CLDN7: variants seen among roughly 807,000 people sequenced by gnomAD.
The protein encoded by CLDN7 is claudin 7.
In CLDN7, 15 loss-of-function variants were observed where a neutral mutation model predicts 20.3. The observed-to-expected ratio is 0.74, with a 90% CI of 0.49 to 1.14. The LOEUF is 1.14. Among genes scored for constraint, CLDN7 ranks in the 50% most tolerant of loss-of-function variants. The probability of loss-of-function intolerance (pLI) is 0.00; values close to 1 mark genes in which losing one functional copy is unlikely to be tolerated. For synonymous variants in CLDN7, 117 were observed against 106.1 expected, an observed-to-expected ratio of 1.10 and a Z score of -0.63; for missense variants, 261 against 274.2, an observed-to-expected ratio of 0.95 and a Z score of 0.34.
At position 7,260,395 on chromosome 17, in the gene CLDN7, G is replaced by A. The variant is rs1277163550; in HGVS notation, c.615C>T (p.Asn205=). Residue 205 remains asparagine (N), a synonymous_variant, in exon 4 of 4, where the codon AAC becomes AAT. Transcript: ENST00000360325. Reference sequence around the variant, plus strand: ...CAGGTCACACATACTCCTTGGAAGAGTTGGACTTAGGGTAAGAGCGGGGTA... The same window carrying A: ...CAGGTCACACATACTCCTTGGAAGAATTGGACTTAGGGTAAGAGCGGGGTA... The part of the protein sequence containing the change: ...YRVPRSYPKS[N]SSKEYV The A allele has an allele frequency of 6.2e-7, 1 of 1,611,638 alleles. No individual in the cohort carries two copies. Among genetic ancestry groups the A allele is most frequent in the South Asian group, 1.1e-5 (1 of 90,750 alleles).
At chr17:7,261,250 A>T in intron 1 of CLDN7, 1 of 527,918 alleles carries the variant, frequency 1.9e-6, no homozygotes, top group Non-Finnish European at 3.4e-6. Flanking sequence ...ACTGCCCTGG[A>T]TAGGGGGAAG....
chr17:7,260,210 A>AC lies in CLDN7; in HGVS notation c.*163dup, dbSNP rs941419766. On this transcript the variant is annotated 3_prime_UTR_variant, in exon 4 of 4. Transcript: ENST00000360325. ...TCTTTTTGTCTCTCCCACCAACGGC[A>AC]CCCCCCCACCCCCAACCCAAGAGGA... The AC allele has an allele frequency of 5.3e-5, 27 of 507,464 alleles. No homozygotes were observed. Among genetic ancestry groups the AC allele is most frequent in the Middle Eastern group, 7.8e-4 (2 of 2,560 alleles). 31.4% of individuals were successfully genotyped at this position (507,464 alleles called of 1,614,324 possible). A position where few individuals can be genotyped will look rare whatever the true frequency, so the allele number is the denominator to read the frequency against.
At position 7,260,853 on chromosome 17, in the gene CLDN7, G is replaced by T; in HGVS notation, c.356C>A (p.Ala119Asp). Residue 119 changes from alanine (A) to aspartate (D), a missense_variant, in exon 2 of 4, where the codon GCC (alanine) becomes GAC (aspartate). Ala to Asp is a moderately radical substitution (Grantham distance 126). Around this residue, in one of 2 missense-constraint regions of CLDN7, gnomAD observed 215 missense variants for 199.6 expected, o/e 1.08. Coordinates refer to ENST00000360325, the MANE Select transcript of CLDN7 (RefSeq NM_001307.6). ...GATGAAAATTATGCCTCCACCCATG[G>T]CTATACGGGCCTTCTTCACTTTGTC... is the stretch of plus-strand genomic sequence containing the variant. ...GDDKVKKARI[A>D]MGGGIIFIVA... The T allele has an allele frequency of 1.2e-6, 2 of 1,614,228 alleles. No homozygotes were observed. Among genetic ancestry groups the T allele is most frequent in the Non-Finnish European group, 1.7e-6 (2 of 1,180,036 alleles).
Position 7,260,394 on chromosome 17 carries a change from A to G in CLDN7, c.616T>C (p.Ser206Pro), listed in dbSNP as rs139088043. ...RVPRSYPKSN[S>P]SKEYV ...CCAGGTCACACATACTCCTTGGAAG[A>G]GTTGGACTTAGGGTAAGAGCGGGGT... The change falls in exon 4 of 4, where the codon TCT becomes CCT. Residue 206 changes from serine to proline, a missense_variant. Ser to Pro is a moderately conservative substitution (Grantham distance 74). This residue lies in a region of CLDN7 where 215 missense variants were observed against 199.6 expected (regional missense o/e 1.08). Transcript: ENST00000360325. The G allele has an allele frequency of 3.9e-4, 626 of 1,611,422 alleles. 1 individual carries two copies. In the African/African-American group the frequency reaches 7.5e-3, roughly 19 times the overall value.
In CLDN7 at chr17:7,261,998, G is replaced by A. The variant is rs759789750; in HGVS notation, c.46C>T (p.Leu16=). The A allele has an allele frequency of 1.2e-6, 2 of 1,614,032 alleles. No individual in the cohort carries two copies. The highest frequency in any genetic ancestry group is 1.7e-6 in the Non-Finnish European group (2 of 1,180,016). The change falls in exon 1 of 4, where the codon CTG becomes TTG. Residue 16 remains leucine (L), a synonymous_variant. Transcript: ENST00000360325. ...CAGGCCACCAGACCCACCCAGCCCA[G>A]CAGGGCCATGGAGAAGCCCAGCAAC... is the stretch of plus-strand genomic sequence containing the variant. ...LQLLGFSMAL[L]GWVGLVACTA...
rs2072218075 is a variant in CLDN7, at chr17:7,261,479, G to T, written c.223+342C>A. On this transcript the variant is annotated intron_variant, in intron 1 of 3. Coordinates refer to ENST00000360325, the MANE Select transcript of CLDN7 (RefSeq NM_001307.6). Reference sequence around the variant, plus strand: ...CGCGCCCCGTGCCCCGCGCCCCGGGGCCGTTTCTGTCTGAGAAAAGGACGG... The same window carrying T: ...CGCGCCCCGTGCCCCGCGCCCCGGGTCCGTTTCTGTCTGAGAAAAGGACGG... Among the ~76,000 whole-genome samples, 3 of 152,224 alleles carry T rather than the reference G, an allele frequency of 2.0e-5. No individual in the cohort carries two copies. The South Asian group carries it at 6.2e-4, about 32-fold the overall frequency.
intron 1 of CLDN7, among the ~76,000 whole-genome samples, chr17:7,261,613 C>T (rs911542725): frequency 5.3e-5 from 8 of 152,146 alleles, no homozygotes; most frequent in African/African-American, 1.9e-4. Flanking sequence ...GGAAGAGGAA[C>T]GTGGGCGACC....
In CLDN7 at chr17:7,262,213, A is replaced by G. The variant is rs1370049768; in HGVS notation, c.-170T>C. ...AATGCAAATCTTGTCACCAAACTACACACAAATCGACCCCTCCAGTGAAGC... is the reference window on the plus strand; with the variant it reads ...AATGCAAATCTTGTCACCAAACTACGCACAAATCGACCCCTCCAGTGAAGC... On this transcript the variant is annotated 5_prime_UTR_variant, in exon 1 of 4. Coordinates refer to ENST00000360325, the MANE Select transcript of CLDN7 (RefSeq NM_001307.6). The surrounding 1 kb of genome is among the most constrained non-coding windows in gnomAD (Gnocchi z 6.6). 3.5e-6 allele frequency: 5 copies of G among 1,436,620 alleles called. No homozygotes were observed. The highest frequency in any genetic ancestry group is 4.5e-6 in the Non-Finnish European group (5 of 1,101,132). The allele number at this position is 1,436,620 out of a possible 1,614,324, so 89.0% of individuals were successfully genotyped here.
At chr17:7,261,767 C>T (rs2072228945) in intron 1 of CLDN7, 54 bp downstream of exon 1, 1 of 1,585,140 alleles carries the variant, frequency 6.3e-7, no homozygotes, top group Admixed American at 1.7e-5. Flanking sequence ...CCACGCGCGC[C>T]ACCCCGCCAC....
At position 7,260,700 on chromosome 17, in the gene CLDN7, A is replaced by C; in HGVS notation, c.415T>G (p.Trp139Gly). 6.2e-7 allele frequency: 1 copy of C among 1,614,258 alleles called. No homozygotes were observed. The change falls in exon 3 of 4, where the codon TGG becomes GGG. Residue 139 changes from tryptophan to glycine, a missense_variant. Trp to Gly is a radical substitution (Grantham distance 184). This residue lies in a region of CLDN7 where 215 missense variants were observed against 199.6 expected (regional missense o/e 1.08). Coordinates refer to ENST00000360325, the MANE Select transcript of CLDN7 (RefSeq NM_001307.6). ...AGLAALVACS[W>G]YGHQIVTDFY... ...TCTGTGACAATCTGATGGCCATACC[A>C]GGAGCAAGCTACCAAGGCGGCAAGA...
intron 1 of CLDN7, 100 bp from the exon 2 acceptor site, chr17:7,261,085 C>T: frequency 6.9e-7 from 1 of 1,455,042 alleles, no homozygotes; most frequent in Non-Finnish European, 9.1e-7. Flanking sequence ...CCTCTTCTGT[C>T]CGGCGCCGTG....
In CLDN7 at chr17:7,262,037, T is replaced by G; in HGVS notation, c.7A>C (p.Asn3His). 8.1e-6 allele frequency: 13 copies of G among 1,611,224 alleles called. No individual in the cohort carries two copies. The highest frequency in any genetic ancestry group is 1.1e-5 in the Non-Finnish European group (13 of 1,179,024). The change falls in exon 1 of 4, where the codon AAT becomes CAT. Residue 3 changes from asparagine (N) to histidine (H), a missense_variant. By Grantham distance (68) the Asn-to-His change is moderately conservative. Coordinates refer to ENST00000360325, the MANE Select transcript of CLDN7 (RefSeq NM_001307.6). This position sits in a 1 kb window ranked among gnomAD's most constrained non-coding sequence, Gnocchi z 6.6. ...AAGCCCAGCAACTGCAGGCCCGAAT[T>G]GGCCATTTCCGCCCTCAGAAAACAC... MANSGLQLLGFSM... is the reference protein window; with the variant it reads MAHSGLQLLGFSM...
rs1203949961 is a variant in CLDN7 at position 7,262,027 on chromosome 17, A to G, written c.17T>C (p.Leu6Pro). ...GGCCATGGAGAAGCCCAGCAACTGC[A>G]GGCCCGAATTGGCCATTTCCGCCCT... MANSG[L>P]QLLGFSMALL... The change falls in exon 1 of 4, where the codon CTG (leucine) becomes CCG (proline). Residue 6 changes from leucine (L) to proline (P), a missense_variant. Physicochemically the swap from Leu to Pro is moderately conservative, Grantham distance 98 (BLOSUM62 -3). This residue lies in a region of CLDN7 where 46 missense variants were observed against 74.6 expected (regional missense o/e 0.62). Transcript: ENST00000360325. The surrounding 1 kb of genome is among the most constrained non-coding windows in gnomAD (Gnocchi z 6.6). The G allele has an allele frequency of 3.1e-6, 5 of 1,612,408 alleles. No individual in the cohort carries two copies. Among genetic ancestry groups the G allele is most frequent in the Non-Finnish European group, 4.2e-6 (5 of 1,179,362 alleles).
Position 7,262,343 on chromosome 17 carries a change from C to T in CLDN7, c.-300G>A. ...GTTCCCTCCGGGCGCTCTCGGCGAC[C>T]CTAGGCAAACAAAAGGTGGAGGGGC... On this transcript the variant is annotated 5_prime_UTR_variant, in exon 1 of 4. Coordinates refer to ENST00000360325, the MANE Select transcript of CLDN7 (RefSeq NM_001307.6). The surrounding 1 kb of genome is among the most constrained non-coding windows in gnomAD (Gnocchi z 6.6). The T allele has an allele frequency of 7.8e-7, 1 of 1,274,940 alleles. No homozygotes were observed. Among genetic ancestry groups the T allele is most frequent in the Non-Finnish European group, 1.0e-6 (1 of 1,002,520 alleles). The allele number at this position is 1,274,940 out of a possible 1,614,324, so 79.0% of individuals were successfully genotyped here.
chr17:7,261,937 G>A lies in CLDN7; in HGVS notation c.107C>T (p.Ala36Val), dbSNP rs574955449. ...CTGGGCCGTGATGATGTTGTCACCC[G>A]CATAGGAGCTCATCTGCCACTGCGG... ...AIPQWQMSSY[A>V]GDNIITAQAM... is the part of the protein sequence containing the mutation. Residue 36 changes from alanine to valine, a missense_variant, in exon 1 of 4, where the codon GCG becomes GTG. Ala to Val is a moderately conservative substitution (Grantham distance 64, BLOSUM62 0). Around this residue, in one of 2 missense-constraint regions of CLDN7, gnomAD observed 46 missense variants for 74.6 expected, o/e 0.62. Transcript: ENST00000360325. 6.8e-6 allele frequency: 11 copies of A among 1,613,956 alleles called. No homozygotes were observed. Among genetic ancestry groups the A allele is most frequent in the African/African-American group, 2.7e-5 (2 of 74,948 alleles).
rs1466286219 is a variant in CLDN7, at chr17:7,260,815, G to A, written c.388+6C>T. The A allele has an allele frequency of 3.1e-6, 5 of 1,614,118 alleles. No homozygotes were observed. The highest frequency in any genetic ancestry group is 2.2e-5 in the East Asian group (1 of 44,892). On this transcript the variant is annotated splice_donor_region_variant and intron_variant, in intron 2 of 3. Transcript: ENST00000360325. Reference sequence around the variant, plus strand: ...TCCTCCCAGATGGGAGAACCCGGGGGCTCACCTGCCACGATGAAAATTATG... The same window carrying A: ...TCCTCCCAGATGGGAGAACCCGGGGACTCACCTGCCACGATGAAAATTATG...
chr17:7,260,897 G>A lies in CLDN7; in HGVS notation c.312C>T (p.Cys104=). 6.2e-7 allele frequency: 1 copy of A among 1,614,176 alleles called. No homozygotes were observed. The highest frequency in any genetic ancestry group is 8.5e-7 in the Non-Finnish European group (1 of 1,180,030). The change falls in exon 2 of 4, where the codon TGC becomes TGT. Residue 104 remains cysteine (C), a synonymous_variant. Transcript: ENST00000360325. ...CTTTGTCGTCTCCCCCACAGCGCGT[G>A]CACTTCATGCCCATCGTGGCCACAA... ...AMFVATMGMK[C]TRCGGDDKVK...
At chr17:7,261,789 G>A in intron 1 of CLDN7, 32 bp downstream of exon 1, 6 of 1,604,778 alleles carry the variant, frequency 3.7e-6, no homozygotes, top group Non-Finnish European at 5.1e-6. Flanking sequence ...TCGGTCAAGG[G>A]CGCGTCCGCC....
At position 7,262,336 on chromosome 17, in the gene CLDN7, C is replaced by G. The variant is rs908114304; in HGVS notation, c.-293G>C. 1 of 1,292,916 alleles carries G rather than the reference C, an allele frequency of 7.7e-7. No individual in the cohort carries two copies. The highest frequency in any genetic ancestry group is 9.9e-7 in the Non-Finnish European group (1 of 1,012,476). 80.1% of individuals were successfully genotyped at this position (1,292,916 alleles called of 1,614,324 possible). A position where few individuals can be genotyped will look rare whatever the true frequency, so the allele number is the denominator to read the frequency against. ...CCAGGCGGTTCCCTCCGGGCGCTCT[C>G]GGCGACCCTAGGCAAACAAAAGGTG... On this transcript the variant is annotated 5_prime_UTR_variant, in exon 1 of 4. Transcript: ENST00000360325. This position sits in a 1 kb window ranked among gnomAD's most constrained non-coding sequence, Gnocchi z 6.6.
Sources: gnomAD v4.1 joint callset for allele counts (sites outside exome capture counted in the v4.1 genomes callset) on GRCh38, gnomAD v4.1.1 for gene constraint, gnomAD v4.1.1 regional missense constraint, Gnocchi (gnomAD v3.1) non-coding constraint, MANE v1.5 for transcripts, NCBI Gene and HGNC (gene_info 2026-07-23, HGNC 2026-07-21) for gene names.